PREX1: variants seen among roughly 807,000 people sequenced by gnomAD.
PREX1 encodes phosphatidylinositol-3,4,5-trisphosphate dependent Rac exchange factor 1.
PREX1 carries 41 observed loss-of-function variants against 198.3 expected under a neutral mutation model. The ratio of observed to expected loss-of-function variants is 0.21; its 90% CI spans 0.16 to 0.27. The LOEUF (loss-of-function observed/expected upper bound fraction) is 0.27, where lower values mean the gene tolerates loss of function less well. PREX1 is among the 10% of genes least tolerant of loss of function. The probability of loss-of-function intolerance (pLI) is 1.00; values close to 1 mark genes in which losing one functional copy is unlikely to be tolerated. For synonymous variants in PREX1, 843 were observed against 887.2 expected (o/e 0.95, Z 0.89); for missense variants, 1,620 against 2,200.7 (o/e 0.74, Z 5.28).
the PREX1 span, among the ~76,000 whole-genome samples, chr20:48,872,346 T>C: frequency 6.6e-6 from 1 of 152,116 alleles, no homozygotes; most frequent in East Asian, 1.9e-4. Flanking sequence ...TTCCTTTCTA[T>C]ATTTGCAGTG....
chr20:48,642,113 T>C lies in PREX1; in HGVS notation c.3775+55A>G, dbSNP rs1035864593. The C allele has an allele frequency of 1.0e-4, 159 of 1,564,546 alleles. No homozygotes were observed. In the Middle Eastern group the frequency reaches 2.2e-3, roughly 21 times the overall value. Reference sequence around the variant, plus strand: ...GAGCATTAGCCCGGGTACGCCGCCCTGTCTAACACCCTTCCCCATCGCAGG... The same window carrying C: ...GAGCATTAGCCCGGGTACGCCGCCCCGTCTAACACCCTTCCCCATCGCAGG... On this transcript the variant is annotated intron_variant, in intron 29 of 39. Coordinates refer to ENST00000371941, the MANE Select transcript of PREX1 (RefSeq NM_020820.4).
At chr20:48,746,454 A>G (rs1299320401) in intron 2 of PREX1, among the ~76,000 whole-genome samples, 1 of 152,250 alleles carries the variant, frequency 6.6e-6, no homozygotes, top group Non-Finnish European at 1.5e-5. Context: ...ACAGCAATGA[A>G]AAAGAGTGAA....
chr20:48,673,886 C>A (rs2089692408), intron 14 of PREX1, among the ~76,000 whole-genome samples: 1 of 152,222 alleles, frequency 6.6e-6, no homozygotes, highest in South Asian at 2.1e-4. Flanking sequence ...GCACTTTACA[C>A]AATTATCTCA....
the PREX1 span, among the ~76,000 whole-genome samples, chr20:48,856,949 C>T: frequency 3.3e-5 from 5 of 152,324 alleles, no homozygotes; most frequent in African/African-American, 1.2e-4. Flanking sequence ...AAGCAATTCT[C>T]CTGCCTCAGC....
the PREX1 span, among the ~76,000 whole-genome samples, chr20:48,876,862 G>C: frequency 6.6e-6 from 1 of 152,076 alleles, no homozygotes; most frequent in Admixed American, 6.6e-5. Context: ...GAACCATTGG[G>C]GTATCTGAAT....
In PREX1 at chr20:48,762,570, A is replaced by G. The variant is rs1236999695; in HGVS notation, c.220-14690T>C. 3.3e-5 allele frequency among the ~76,000 whole-genome samples: 5 copies of G among 152,264 alleles called. No individual in the cohort carries two copies. The East Asian group carries it at 9.7e-4, about 29-fold the overall frequency. On this transcript the variant is annotated intron_variant, in intron 1 of 39. Coordinates refer to ENST00000371941, the MANE Select transcript of PREX1 (RefSeq NM_020820.4). ...AAATGGCCTCTAGACAGAGCCAAGTATTTTGGGTTCAAATCCTGGTTCGGT... is the reference window on the plus strand; with the variant it reads ...AAATGGCCTCTAGACAGAGCCAAGTGTTTTGGGTTCAAATCCTGGTTCGGT...
intron 1 of PREX1, among the ~76,000 whole-genome samples, chr20:48,759,882 A>C (rs1219714194): frequency 6.6e-6 from 1 of 152,108 alleles, no homozygotes. Context: ...AGGCAGGCTG[A>C]TTGCTTGAAC....
chr20:48,857,542 A>C, the PREX1 span, among the ~76,000 whole-genome samples: 3 of 151,028 alleles, frequency 2.0e-5, no homozygotes, highest in Non-Finnish European at 4.4e-5. Flanking sequence ...TTTTTAAAAA[A>C]ACCAGCCTTG....
At chr20:48,804,841 A>G (rs1279966868) in intron 1 of PREX1, among the ~76,000 whole-genome samples, 1 of 152,168 alleles carries the variant, frequency 6.6e-6, no homozygotes, top group African/African-American at 2.4e-5. Flanking sequence ...AGTGGCGTCA[A>G]GATGGCCCAA....
intron 5 of PREX1, among the ~76,000 whole-genome samples, chr20:48,725,612 CATCT>C (rs1307471140): frequency 6.6e-6 from 1 of 152,264 alleles, no homozygotes; most frequent in Non-Finnish European, 1.5e-5. Flanking sequence ...ACGTGGGGTT[CATCT>C]GTCCTCACTC....
At chr20:48,882,173 C>T in the PREX1 span, among the ~76,000 whole-genome samples, 7,711 of 152,118 alleles carry the variant, frequency 0.051, 360 homozygotes, top group African/African-American at 0.13. Context: ...ATTTGCATTG[C>T]TTCCAGGTTT....
chr20:48,724,036 C>T (rs1216946808), intron 5 of PREX1, among the ~76,000 whole-genome samples: 1 of 152,148 alleles, frequency 6.6e-6, no homozygotes, highest in Non-Finnish European at 1.5e-5. Flanking sequence ...GGACACTGGC[C>T]TCAAAACACA....
chr20:48,702,762 C>T (rs542548451), intron 6 of PREX1, among the ~76,000 whole-genome samples: 20 of 152,358 alleles, frequency 1.3e-4, no homozygotes, highest in East Asian at 9.6e-4. Context: ...AGCGTTGCAA[C>T]GCTAATGAGC....
At chr20:48,832,885 T>C (rs1353283859), upstream of PREX1, among the ~76,000 whole-genome samples, 1 of 152,220 alleles carries the variant, frequency 6.6e-6, no homozygotes, top group Non-Finnish European at 1.5e-5. Flanking sequence ...GACACTGCTT[T>C]GAGGAAGCAG....
chr20:48,702,388 A>AAATGAGGCAGCCCCTCC (rs1168107463), intron 6 of PREX1, among the ~76,000 whole-genome samples: 1 of 152,152 alleles, frequency 6.6e-6, no homozygotes, highest in African/African-American at 2.4e-5. Context: ...ACAGAATGCC[A>AAATGAGGCAGCCCCTCC]AATGAGGCAG....
At chr20:48,718,522 C>T (rs566085889) in intron 5 of PREX1, among the ~76,000 whole-genome samples, 4 of 152,102 alleles carry the variant, frequency 2.6e-5, no homozygotes, top group South Asian at 2.1e-4. Flanking sequence ...AAAAGAAGGA[C>T]GGCAGAACCA....
chr20:48,813,249 C>T (rs2090444311), intron 1 of PREX1, among the ~76,000 whole-genome samples: 1 of 152,204 alleles, frequency 6.6e-6, no homozygotes, highest in African/African-American at 2.4e-5. Context: ...AAACTGAGGT[C>T]CAAGAATCAG....
chr20:48,825,255 G>A (rs1401920268), intron 1 of PREX1, among the ~76,000 whole-genome samples: 1 of 152,186 alleles, frequency 6.6e-6, no homozygotes, highest in African/African-American at 2.4e-5. Flanking sequence ...CAATCCGTCT[G>A]TTTCTGGCAC....
chr20:48,731,789 G>A (rs181418078), intron 4 of PREX1, among the ~76,000 whole-genome samples: 82 of 152,316 alleles, frequency 5.4e-4, no homozygotes, highest in Non-Finnish European at 2.5e-4. Context: ...TGCCCAGACC[G>A]GCCCACCCAG....
Sources: allele counts gnomAD v4.1 joint callset (sites outside exome capture counted in the v4.1 genomes callset), GRCh38; gene constraint gnomAD v4.1.1; transcripts MANE v1.5; gene names NCBI Gene and HGNC (gene_info 2026-07-23, HGNC 2026-07-21).